DNAH12: variants seen among roughly 807,000 people sequenced by gnomAD.
DNAH12 encodes dynein axonemal heavy chain 12.
In DNAH12, 285 loss-of-function variants were observed where a neutral mutation model predicts 371.5. The observed-to-expected ratio is 0.77, with a 90% CI of 0.70 to 0.85. The LOEUF (loss-of-function observed/expected upper bound fraction) is 0.85, where lower values mean the gene tolerates loss of function less well. Ranked by LOEUF, DNAH12 falls within the 40% of genes least tolerant of loss-of-function variation. The probability of loss-of-function intolerance (pLI) is 0.00; values close to 1 mark genes in which losing one functional copy is unlikely to be tolerated. For missense variants in DNAH12, 3,611 were observed against 3,689.4 expected, an observed-to-expected ratio of 0.98 and a Z score of 0.55; for synonymous variants, 1,200 against 1,213.0, an observed-to-expected ratio of 0.99 and a Z score of 0.22.
At chr3:57,428,053 C>G (rs547170176) in intron 34 of DNAH12, among the ~76,000 whole-genome samples, 1 of 151,830 alleles carries the variant, frequency 6.6e-6, no homozygotes, top group Non-Finnish European at 1.5e-5. Context: ...CTCAGCCTCC[C>G]GAGTAGCTGG....
At chr3:57,502,032 G>A (rs534121452) in intron 10 of DNAH12, among the ~76,000 whole-genome samples, 2 of 151,708 alleles carry the variant, frequency 1.3e-5, no homozygotes, top group Non-Finnish European at 2.9e-5. Flanking sequence ...TCAGCCTCCC[G>A]AGTAGCCGGG....
intron 6 of DNAH12, 28 bp downstream of exon 6, chr3:57,509,112 A>T: frequency 6.3e-7 from 1 of 1,575,756 alleles, no homozygotes; most frequent in Non-Finnish European, 8.7e-7. Context: ...AATTGGATGA[A>T]GTACTGTTTT....
In DNAH12 at chr3:57,462,826, C is replaced by T. The variant is rs62621232; in HGVS notation, c.2399G>A (p.Arg800His). The T allele has an allele frequency of 0.032, 48,994 of 1,551,290 alleles. 891 individuals carry two copies. Among genetic ancestry groups the T allele is most frequent in the Middle Eastern group, 0.035 (209 of 5,990 alleles). Residue 800 changes from arginine to histidine, a missense_variant, in exon 18 of 74, where the codon CGT (arginine) becomes CAT (histidine). By Grantham distance (29) the Arg-to-His change is conservative. Around this residue, in one of 3 missense-constraint regions of DNAH12, gnomAD observed 1,314 missense variants for 1,398.7 expected, o/e 0.94. Transcript: ENST00000495027. The part of the protein sequence containing the change: ...SILCNPGMRA[R>H]HWKQISEIVG... Reference sequence around the variant, plus strand: ...AATTTCTGATATCTGTTTCCAGTGACGAGCTCTCATTCCTGGATTGCACAG... The same window carrying T: ...AATTTCTGATATCTGTTTCCAGTGATGAGCTCTCATTCCTGGATTGCACAG...
intron 65 of DNAH12, among the ~76,000 whole-genome samples, chr3:57,315,206 C>A (rs1017538241): frequency 7.2e-5 from 11 of 151,796 alleles, no homozygotes; most frequent in African/African-American, 2.7e-4. Flanking sequence ...TAAGGTCCCC[C>A]CCAAGTAAAT....
At chr3:57,411,292 C>G in intron 39 of DNAH12, among the ~76,000 whole-genome samples, 1 of 151,950 alleles carries the variant, frequency 6.6e-6, no homozygotes, top group Non-Finnish European at 1.5e-5. Context: ...TTTTGGGAGG[C>G]CGAGGAAGGT....
intron 53 of DNAH12, 138 bp downstream of exon 53, chr3:57,376,843 C>G (rs1471825277): frequency 6.6e-6 from 1 of 152,134 alleles, no homozygotes; most frequent in African/African-American, 2.4e-5. Context: ...TTTGGAGAAG[C>G]CTGGCCAGGT....
intron 2 of DNAH12, among the ~76,000 whole-genome samples, chr3:57,531,592 T>A (rs982589546): frequency 2.0e-5 from 3 of 151,706 alleles, no homozygotes; most frequent in African/African-American, 7.3e-5. Flanking sequence ...CAAAACCCCA[T>A]ATCTACTAAA....
At chr3:57,306,319 T>C (rs1452144621) in intron 69 of DNAH12, among the ~76,000 whole-genome samples, 1 of 152,150 alleles carries the variant, frequency 6.6e-6, no homozygotes, top group African/African-American at 2.4e-5. Flanking sequence ...CCGCCATAAC[T>C]GTTGTGGGTA....
At position 57,404,987 on chromosome 3, in the gene DNAH12, A is replaced by G; in HGVS notation, c.6737T>C (p.Met2246Thr). ...DEYNQTHKTR[M>T]NLVIFRYVLE... The stretch of plus-strand genomic sequence containing the variant: ...TAGGTACCTAAAAATGACAAGATTC[A>G]TTCTTGTTTTGTGTGTTTGATTATA... The change falls in exon 42 of 74, where the codon ATG becomes ACG. Residue 2246 changes from methionine (M) to threonine (T), a missense_variant. Physicochemically the swap from Met to Thr is moderately conservative, Grantham distance 81. Around this residue, in one of 3 missense-constraint regions of DNAH12, gnomAD observed 2,266 missense variants for 2,236.9 expected, o/e 1.01. Transcript: ENST00000495027. The G allele has an allele frequency of 6.6e-7, 1 of 1,517,468 alleles. No homozygotes were observed. Among genetic ancestry groups the G allele is most frequent in the East Asian group, 2.6e-5 (1 of 39,174 alleles). 94.0% of individuals were successfully genotyped at this position (1,517,468 alleles called of 1,614,324 possible).
At chr3:57,487,385 GAA>G (rs1261797927) in intron 12 of DNAH12, among the ~76,000 whole-genome samples, 4 of 126,324 alleles carry the variant, frequency 3.2e-5, no homozygotes, top group African/African-American at 1.2e-4. Context: ...AAAAAAAAAA[GAA>G]AGAGAAAGAA....
In DNAH12 at chr3:57,330,104, C is replaced by T. The variant is rs543146877; in HGVS notation, c.9978+4361G>A. Among the ~76,000 whole-genome samples the T allele has an allele frequency of 2.9e-3, 441 of 151,986 alleles. 2 individuals are homozygous for T. The highest frequency in any genetic ancestry group is 0.01 in the African/African-American group (417 of 41,268). On this transcript the variant is annotated intron_variant, in intron 62 of 73. Transcript: ENST00000495027. ...ATGTGGAGAAATAGGAACACTTTTACACTGTTGGTGGGACTGTAAACTAGT... is the reference window on the plus strand; with the variant it reads ...ATGTGGAGAAATAGGAACACTTTTATACTGTTGGTGGGACTGTAAACTAGT...
chr3:57,478,224 C>T lies in DNAH12; in HGVS notation c.1650+5152G>A, dbSNP rs1346120767. The stretch of plus-strand genomic sequence containing the variant: ...CTAGAATAACCAATGCAGAGAAGTC[C>T]TTAAAGGACCTGATGGAGCTGAAAA... On this transcript the variant is annotated intron_variant, in intron 13 of 73. Coordinates refer to ENST00000495027, the MANE Select transcript of DNAH12 (RefSeq NM_001366028.2). Among the ~76,000 whole-genome samples the T allele has an allele frequency of 4.6e-5, 7 of 152,136 alleles. No homozygotes were observed. In the South Asian group the frequency reaches 8.3e-4, roughly 18 times the overall value.
chr3:57,402,988 G>C (rs901278535), intron 43 of DNAH12, among the ~76,000 whole-genome samples: 6 of 152,138 alleles, frequency 3.9e-5, no homozygotes, highest in Admixed American at 3.9e-4. Flanking sequence ...CATGGTAATA[G>C]TGTAGTGGAT....
chr3:57,389,663 T>C (rs2063568538), intron 45 of DNAH12, among the ~76,000 whole-genome samples: 1 of 151,124 alleles, frequency 6.6e-6, no homozygotes, highest in East Asian at 1.9e-4. Context: ...ATACTTTTTT[T>C]CCCCAAAGCT....
chr3:57,323,734 T>C (rs1468922030), intron 62 of DNAH12, 115 bp from the exon 63 acceptor site: 2 of 1,084,058 alleles, frequency 1.8e-6, no homozygotes, highest in Non-Finnish European at 2.5e-6. Flanking sequence ...AAAAAAAGCA[T>C]ATAGCATCAT....
At chr3:57,333,958 A>G (rs1268869148) in intron 62 of DNAH12, among the ~76,000 whole-genome samples, 1 of 152,226 alleles carries the variant, frequency 6.6e-6, no homozygotes. Flanking sequence ...GTGTTCAACT[A>G]TTTAAAAGAA....
chr3:57,306,244 C>T (rs1304035419), intron 69 of DNAH12, among the ~76,000 whole-genome samples: 1 of 152,130 alleles, frequency 6.6e-6, no homozygotes, highest in African/African-American at 2.4e-5. Context: ...AGTCCGTCCC[C>T]TTCTTAATCA....
intron 70 of DNAH12, among the ~76,000 whole-genome samples, chr3:57,298,586 G>A (rs2061281115): frequency 6.6e-6 from 1 of 152,160 alleles, no homozygotes; most frequent in South Asian, 2.1e-4. Context: ...TACTTATAAT[G>A]GAATCAATCC....
intron 4 of DNAH12, among the ~76,000 whole-genome samples, chr3:57,522,276 T>G (rs2068479030): frequency 6.6e-6 from 1 of 152,006 alleles, no homozygotes; most frequent in Admixed American, 6.6e-5. Context: ...ATTTGGCAGT[T>G]AGTAGTTATT....
Sources: gnomAD v4.1 joint callset for allele counts (sites outside exome capture counted in the v4.1 genomes callset) on GRCh38, gnomAD v4.1.1 for gene constraint, gnomAD v4.1.1 regional missense constraint, MANE v1.5 for transcripts, NCBI Gene and HGNC (gene_info 2026-07-23, HGNC 2026-07-21) for gene names.